The following HNRNPH2 variants were observed in gnomAD, a reference collection of about 807,000 sequenced individuals.
HNRNPH2 encodes the protein heterogeneous nuclear ribonucleoprotein H2, also known as FTP-3.
For synonymous variants in HNRNPH2, 128 were observed against 128.2 expected (o/e 1.00, Z 0.01); for missense variants, 115 against 352.9 (o/e 0.33, Z 5.40).
At chrX:101,408,946 A>G (rs1555987523) in intron 1 of HNRNPH2, among the ~76,000 whole-genome samples, 1 of 112,028 alleles carries the variant, frequency 8.9e-6, no homozygotes, top group African/African-American at 3.2e-5. Flanking sequence ...AGTTTTTTAA[A>G]AAATGTGTAT....
chrX:101,411,872 T>C, intron 1 of HNRNPH2, 64 bp from the exon 2 acceptor site: 1 of 1,091,843 alleles, frequency 9.2e-7, no homozygotes, highest in Non-Finnish European at 1.2e-6. Context: ...AATAGTTTGC[T>C]TTTTTCTCTT....
chrX:101,411,715 G>A (rs1180753621), intron 1 of HNRNPH2, among the ~76,000 whole-genome samples: 4 of 110,600 alleles, frequency 3.6e-5, no homozygotes, highest in Non-Finnish European at 7.6e-5. Context: ...GCACCCGGCC[G>A]ATTGCTGTTA....
chrX:101,411,404 ATTTTTTTTTTTTT>A (rs782617767), intron 1 of HNRNPH2, among the ~76,000 whole-genome samples: 2 of 48,965 alleles, frequency 4.1e-5, no homozygotes, highest in Non-Finnish European at 6.9e-5. Context: ...GTTGCTGTTA[ATTTTTTTTTTTTT>A]TTTTTTTTTT....
intron 1 of HNRNPH2, 116 bp downstream of exon 1, chrX:101,408,435 C>T (rs1440098709): frequency 1.3e-5 from 2 of 157,363 alleles, no homozygotes; most frequent in Non-Finnish European, 2.5e-5. Flanking sequence ...CCCTCGCGCT[C>T]TCTCCCTCCT....
At chrX:101,411,184 T>A (rs782772021) in intron 1 of HNRNPH2, among the ~76,000 whole-genome samples, 56 of 111,418 alleles carry the variant, frequency 5.0e-4, no homozygotes, top group Admixed American at 1.1e-3. Flanking sequence ...ATAATGTCTT[T>A]TTTTCATTTA....
intron 1 of HNRNPH2, 80 bp from the exon 2 acceptor site, chrX:101,411,856 T>C: frequency 9.9e-7 from 1 of 1,008,978 alleles, no homozygotes; most frequent in Non-Finnish European, 1.3e-6. Context: ...AATTGAATTT[T>C]CTATTAATAG....
At position 101,408,347 on chromosome X, in the gene HNRNPH2, C is replaced by T. The variant is rs189678737; in HGVS notation, c.-54+28C>T. 1.1e-4 allele frequency: 21 copies of T among 186,066 alleles called. No individual in the cohort carries two copies. The East Asian group carries it at 2.8e-3, about 25-fold the overall frequency. 15.3% of individuals were successfully genotyped at this position (186,066 alleles called of 1,213,427 possible). ...TGGTGTGTGGGTGGGAACTGGGGAC[C>T]CAGGGGTGGTGATGATGAAGACCAG... On this transcript the variant is annotated intron_variant, in intron 1 of 1. Coordinates refer to ENST00000316594, the MANE Select transcript of HNRNPH2 (RefSeq NM_019597.5).
chrX:101,413,159 G>A lies in HNRNPH2; in HGVS notation c.1171G>A (p.Ala391Thr), dbSNP rs199773177. 5.8e-6 allele frequency: 7 copies of A among 1,210,010 alleles called. No homozygotes were observed. The Admixed American group carries it at 6.6e-5, about 11-fold the overall frequency. The change falls in exon 2 of 2, where the codon GCT becomes ACT. Residue 391 changes from alanine to threonine, a missense_variant. Physicochemically the swap from Ala to Thr is moderately conservative, Grantham distance 58 (BLOSUM62 0). Coordinates refer to ENST00000316594, the MANE Select transcript of HNRNPH2 (RefSeq NM_019597.5). Reference protein sequence around the residue: ...LNSTAGASGGAYGSQMMGGMG... With the variant: ...LNSTAGASGGTYGSQMMGGMG... ...TTCTACAGCAGGGGCAAGTGGTGGC[G>A]CTTATGGTAGCCAAATGATGGGAGG... is the stretch of plus-strand genomic sequence containing the variant.
In HNRNPH2 at chrX:101,412,597, T is replaced by C. The variant is rs782289413; in HGVS notation, c.609T>C (p.Ala203=). 2.5e-6 allele frequency: 3 copies of C among 1,210,441 alleles called. No homozygotes were observed. In the African/African-American group the frequency reaches 5.2e-5, roughly 21 times the overall value. The change falls in exon 2 of 2, where the codon GCT becomes GCC. Residue 203 remains alanine, a synonymous_variant. Transcript: ENST00000316594. ...THYDPPRKLM[A]MQRPGPYDRP... ...ATGATCCCCCTCGAAAGCTCATGGCTATGCAGCGGCCAGGTCCCTATGATA... is the reference window on the plus strand; with the variant it reads ...ATGATCCCCCTCGAAAGCTCATGGCCATGCAGCGGCCAGGTCCCTATGATA...
In HNRNPH2 at chrX:101,413,438, G is replaced by A. The variant is rs1569308333; in HGVS notation, c.*100G>A. On this transcript the variant is annotated 3_prime_UTR_variant, in exon 2 of 2. Transcript: ENST00000316594. ...GATGTTTAGTATATCCAGTATGATT[G>A]GTAAATGGGAAATATAATTGATTCT... 6.2e-6 allele frequency: 4 copies of A among 642,862 alleles called. No individual in the cohort carries two copies. The African/African-American group carries it at 8.9e-5, about 14-fold the overall frequency. 53.0% of individuals were successfully genotyped at this position (642,862 alleles called of 1,213,427 possible).
In HNRNPH2 at chrX:101,412,930, C is replaced by T. The variant is rs782783036; in HGVS notation, c.942C>T (p.Pro314=). 3.8e-5 allele frequency: 46 copies of T among 1,207,766 alleles called. No homozygotes were observed. The highest frequency in any genetic ancestry group is 4.1e-5 in the Non-Finnish European group (37 of 893,346). The change falls in exon 2 of 2, where the codon CCC becomes CCT. Residue 314 remains proline, a synonymous_variant. Transcript: ENST00000316594. ...ATAATTTCTTCTCACCTCTTAATCC[C>T]ATGAGAGTACATATTGAAATTGGAC... ...DIYNFFSPLN[P]MRVHIEIGPD...
intron 1 of HNRNPH2, 64 bp downstream of exon 1, chrX:101,408,383 G>A (rs1928629929): frequency 1.2e-5 from 2 of 164,921 alleles, no homozygotes; most frequent in African/African-American, 6.2e-5. Flanking sequence ...AGCGGGGTTC[G>A]GGGGCCGCCT....
intron 1 of HNRNPH2, among the ~76,000 whole-genome samples, chrX:101,409,275 G>A (rs1414409409): frequency 8.9e-6 from 1 of 112,410 alleles, no homozygotes; most frequent in Non-Finnish European, 1.9e-5. Context: ...CACATAATCG[G>A]CAATCAGTAA....
rs3027573 is a variant in HNRNPH2, at chrX:101,413,485, C to G, written c.*147C>G. ...TTCTGATCACTCTTGGTCAGCTTCT[C>G]TTTCTTTATCTTTCTTTCTCCTTTT... On this transcript the variant is annotated 3_prime_UTR_variant, in exon 2 of 2. Coordinates refer to ENST00000316594, the MANE Select transcript of HNRNPH2 (RefSeq NM_019597.5). 9.5e-6 allele frequency: 4 copies of G among 422,161 alleles called. No individual in the cohort carries two copies. Among genetic ancestry groups the G allele is most frequent in the Admixed American group, 4.8e-5 (1 of 20,814 alleles). 34.8% of individuals were successfully genotyped at this position (422,161 alleles called of 1,213,427 possible). A position where few individuals can be genotyped will look rare whatever the true frequency, so the allele number is the denominator to read the frequency against.
rs1928852653 is a variant in HNRNPH2, at chrX:101,413,001, A to G, written c.1013A>G (p.His338Arg). 8.3e-7 allele frequency: 1 copy of G among 1,209,184 alleles called. No individual in the cohort carries two copies. The highest frequency in any genetic ancestry group is 1.1e-6 in the Non-Finnish European group (1 of 894,220). Residue 338 changes from histidine (H) to arginine (R), a missense_variant, in exon 2 of 2, where the codon CAT (histidine) becomes CGT (arginine). Physicochemically the swap from His to Arg is conservative, Grantham distance 29. Coordinates refer to ENST00000316594, the MANE Select transcript of HNRNPH2 (RefSeq NM_019597.5). ...GAGGCAGATGTTGAATTTGCTACTC[A>G]TGAAGATGCTGTGGCAGCTATGGCA... ...TGEADVEFATHEDAVAAMAKD... is the reference protein window; with the variant it reads ...TGEADVEFATREDAVAAMAKD...
In HNRNPH2 at chrX:101,413,357, A is replaced by G. The variant is rs782566543; in HGVS notation, c.*19A>G. The G allele has an allele frequency of 2.1e-5, 24 of 1,133,084 alleles. No homozygotes were observed. Among genetic ancestry groups the G allele is most frequent in the East Asian group, 3.0e-5 (1 of 33,330 alleles). 93.4% of individuals were successfully genotyped at this position (1,133,084 alleles called of 1,213,427 possible). On this transcript the variant is annotated 3_prime_UTR_variant, in exon 2 of 2. Coordinates refer to ENST00000316594, the MANE Select transcript of HNRNPH2 (RefSeq NM_019597.5). ...TGCTTAGGTAGAGAAGGAGCACTAA[A>G]TAGCTACTCCAGATATAAAAGCTGT... is the stretch of plus-strand genomic sequence containing the variant.
rs1928870570 is a variant in HNRNPH2 at position 101,413,478 on chromosome X, A to G, written c.*140A>G. The G allele has an allele frequency of 1.3e-5, 6 of 471,177 alleles. No homozygotes were observed. The highest frequency in any genetic ancestry group is 2.0e-5 in the Non-Finnish European group (6 of 292,787). The allele number at this position is 471,177 out of a possible 1,213,427, so 38.8% of individuals were successfully genotyped here. The stretch of plus-strand genomic sequence containing the variant: ...TAATTGATTCTGATCACTCTTGGTC[A>G]GCTTCTCTTTCTTTATCTTTCTTTC... On this transcript the variant is annotated 3_prime_UTR_variant, in exon 2 of 2. Coordinates refer to ENST00000316594, the MANE Select transcript of HNRNPH2 (RefSeq NM_019597.5).
chrX:101,411,696 T>C (rs1376834718), intron 1 of HNRNPH2, among the ~76,000 whole-genome samples: 1 of 110,698 alleles, frequency 9.0e-6, no homozygotes, highest in Non-Finnish European at 1.9e-5. Flanking sequence ...ATTACAGGCG[T>C]GAGCCACCGC....
rs1928838906 is a variant in HNRNPH2, at chrX:101,412,492, C to T, written c.504C>T (p.Ala168=). 8.3e-7 allele frequency: 1 copy of T among 1,210,368 alleles called. No individual in the cohort carries two copies. Among genetic ancestry groups the T allele is most frequent in the African/African-American group, 1.7e-5 (1 of 57,339 alleles). ...CTTCACAGGAGATAGCTGAGAAGGCCTTAAAGAAACACAAGGAAAGAATAG... is the reference window on the plus strand; with the variant it reads ...CTTCACAGGAGATAGCTGAGAAGGCTTTAAAGAAACACAAGGAAAGAATAG... ...QFASQEIAEK[A]LKKHKERIGH... is the part of the protein sequence containing the mutation. Residue 168 remains alanine, a synonymous_variant, in exon 2 of 2, where the codon GCC becomes GCT. Transcript: ENST00000316594.
Sources: allele counts gnomAD v4.1 joint callset (sites outside exome capture counted in the v4.1 genomes callset), GRCh38; gene constraint gnomAD v4.1.1; transcripts MANE v1.5; gene names NCBI Gene and HGNC (gene_info 2026-07-23, HGNC 2026-07-21).